Variants in KIAA1217 observed in about 807,000 individuals in gnomAD.
KIAA1217 encodes sickle tail protein homolog.
In KIAA1217, 88 loss-of-function variants were observed where a neutral mutation model predicts 163.9. The ratio of observed to expected loss-of-function variants is 0.54; its 90% confidence interval spans 0.45 to 0.64. The LOEUF (loss-of-function observed/expected upper bound fraction) is 0.64. Among genes scored for constraint, KIAA1217 ranks in the 30% least tolerant of loss-of-function variants. The probability of loss-of-function intolerance (pLI) is 0.00; values close to 1 mark genes in which losing one functional copy is unlikely to be tolerated. For missense variants in KIAA1217, 2,372 were observed against 2,475.0 expected, an observed-to-expected ratio of 0.96 and a Z score of 0.88; for synonymous variants, 903 against 923.1, an observed-to-expected ratio of 0.98 and a Z score of 0.39.
chr10:24,226,807 A>G (rs952744477), intron 2 of KIAA1217, among the ~76,000 whole-genome samples: 6 of 152,150 alleles, frequency 3.9e-5, no homozygotes, highest in African/African-American at 1.4e-4. Context: ...TAGTCCAGCA[A>G]TCCCTCACAG....
chr10:24,257,799 G>A (rs1317291016), intron 2 of KIAA1217, among the ~76,000 whole-genome samples: 1 of 152,030 alleles, frequency 6.6e-6, no homozygotes, highest in Non-Finnish European at 1.5e-5. Context: ...AAGTGCAGAG[G>A]GACAGTGACA....
Position 23,861,102 on chromosome 10 carries a change from G to A in KIAA1217, c.-320-146123G>A, listed in dbSNP as rs563201917. Reference sequence around the variant, plus strand: ...TAATTTTTGTATTTTTTGTAGAGACGGAGTTTCACCATGTTGTCCAGGCTG... The same window carrying A: ...TAATTTTTGTATTTTTTGTAGAGACAGAGTTTCACCATGTTGTCCAGGCTG... On this transcript the variant is annotated intron_variant, in intron 1 of 18. Transcript: ENST00000376462. Among the ~76,000 whole-genome samples the A allele has an allele frequency of 7.9e-5, 12 of 151,722 alleles. No individual in the cohort carries two copies. In the South Asian group the frequency reaches 2.1e-3, roughly 26 times the overall value.
At chr10:24,422,279 A>G (rs2058795765) in intron 3 of KIAA1217, among the ~76,000 whole-genome samples, 2 of 152,234 alleles carry the variant, frequency 1.3e-5, no homozygotes. Context: ...TAGCCAAACC[A>G]TATCATTCTC....
Position 24,187,237 on chromosome 10 carries a change from G to A in KIAA1217, c.-170-32389G>A, listed in dbSNP as rs564566422. ...TCGCTTGTCACAGCATCCTGGGTCCGCTGCCTCCCTTTCTCTCATTCTTTT... is the reference window on the plus strand; with the variant it reads ...TCGCTTGTCACAGCATCCTGGGTCCACTGCCTCCCTTTCTCTCATTCTTTT... On this transcript the variant is annotated intron_variant, in intron 2 of 18. Transcript: ENST00000376462. 1.3e-4 allele frequency among the ~76,000 whole-genome samples: 20 copies of A among 152,212 alleles called. No homozygotes were observed. The South Asian group carries it at 2.7e-3, about 21-fold the overall frequency.
At chr10:24,191,815 G>T (rs537876047) in intron 2 of KIAA1217, among the ~76,000 whole-genome samples, 1 of 152,116 alleles carries the variant, frequency 6.6e-6, no homozygotes, top group Non-Finnish European at 1.5e-5. Flanking sequence ...GTGCAATGGC[G>T]CAACCTCAAC....
At chr10:24,019,420 A>G (rs1250502502) in intron 2 of KIAA1217, among the ~76,000 whole-genome samples, 1 of 152,052 alleles carries the variant, frequency 6.6e-6, no homozygotes, top group Non-Finnish European at 1.5e-5. Flanking sequence ...AAAATAAAAT[A>G]AAAATAATTT....
chr10:24,438,584 G>T, intron 5 of KIAA1217, 105 bp downstream of exon 5: 1 of 747,810 alleles, frequency 1.3e-6, no homozygotes, highest in Non-Finnish European at 2.4e-6. Context: ...AGTTTTGGAG[G>T]GTTCTCCGCA....
intron 1 of KIAA1217, among the ~76,000 whole-genome samples, chr10:23,870,147 G>A (rs1049299715): frequency 5.3e-5 from 8 of 152,212 alleles, no homozygotes; most frequent in East Asian, 3.9e-4. Context: ...ATCCAGCTGG[G>A]CTGGATTGTC....
intron 1 of KIAA1217, among the ~76,000 whole-genome samples, chr10:23,987,830 T>C (rs933079994): frequency 6.6e-6 from 1 of 152,354 alleles, no homozygotes; most frequent in East Asian, 1.9e-4. Context: ...AATTAATTAG[T>C]AAATAAACAC....
chr10:24,084,210 G>A (rs1446357040), intron 2 of KIAA1217, among the ~76,000 whole-genome samples: 2 of 152,152 alleles, frequency 1.3e-5, no homozygotes, highest in Non-Finnish European at 2.9e-5. Flanking sequence ...GCTATATTTT[G>A]ACATAGTAGA....
At chr10:24,063,688 G>T (rs1168730783) in intron 2 of KIAA1217, among the ~76,000 whole-genome samples, 2 of 152,124 alleles carry the variant, frequency 1.3e-5, no homozygotes, top group African/African-American at 4.8e-5. Flanking sequence ...AAAGTCATTG[G>T]TAGCTTGATG....
At chr10:24,182,350 C>T (rs569724461) in intron 2 of KIAA1217, among the ~76,000 whole-genome samples, 4 of 151,810 alleles carry the variant, frequency 2.6e-5, no homozygotes, top group South Asian at 2.1e-4. Context: ...GCAGGAGTAT[C>T]GCTTGAACCC....
intron 5 of KIAA1217, among the ~76,000 whole-genome samples, chr10:24,442,896 A>T (rs183072680): frequency 2.5e-4 from 38 of 150,288 alleles, no homozygotes; most frequent in Admixed American, 3.3e-4. Flanking sequence ...AGCATTTATT[A>T]AGCACTTTTG....
At chr10:23,787,177 C>T (rs937073976) in intron 1 of KIAA1217, among the ~76,000 whole-genome samples, 3 of 152,036 alleles carry the variant, frequency 2.0e-5, no homozygotes, top group Non-Finnish European at 2.9e-5. Context: ...GCTCATATTT[C>T]CAAATGTTCA....
At chr10:23,862,827 A>G (rs1840017363) in intron 1 of KIAA1217, among the ~76,000 whole-genome samples, 1 of 152,010 alleles carries the variant, frequency 6.6e-6, no homozygotes, top group African/African-American at 2.4e-5. Flanking sequence ...AAGATATTCT[A>G]ACTGCTTTTC....
At chr10:24,256,576 A>G (rs574376162) in intron 2 of KIAA1217, among the ~76,000 whole-genome samples, 1 of 152,178 alleles carries the variant, frequency 6.6e-6, no homozygotes, top group Non-Finnish European at 1.5e-5. Flanking sequence ...TTGAAGTAGA[A>G]ATAGAATTAA....
chr10:24,289,000 T>A (rs1404526795), intron 2 of KIAA1217, among the ~76,000 whole-genome samples: 1 of 152,228 alleles, frequency 6.6e-6, no homozygotes, highest in Non-Finnish European at 1.5e-5. Context: ...CATATATTAA[T>A]CTCCTACTGT....
rs373079840 is a variant in KIAA1217 at position 24,152,674 on chromosome 10, T to A, written c.-170-66952T>A. Among the ~76,000 whole-genome samples the A allele has an allele frequency of 4.8e-4, 73 of 151,962 alleles. 1 individual carries two copies. The highest frequency in any genetic ancestry group is 1.7e-3 in the African/African-American group (72 of 41,470). ...GGCAGAACATATTACATCTTTTCTA[T>A]CCATTGTCTAACACGTAAATAAACT... On this transcript the variant is annotated intron_variant, in intron 2 of 18. Coordinates refer to the KIAA1217 transcript ENST00000376462.
At chr10:24,351,292 C>T (rs1258012719) in intron 2 of KIAA1217, among the ~76,000 whole-genome samples, 1 of 152,152 alleles carries the variant, frequency 6.6e-6, no homozygotes, top group East Asian at 1.9e-4. Flanking sequence ...TCTAACTTTT[C>T]CAAAATTTCT....
Sources: allele counts gnomAD v4.1 joint callset (sites outside exome capture counted in the v4.1 genomes callset), GRCh38; gene constraint gnomAD v4.1.1; transcripts MANE v1.5; gene names NCBI Gene and HGNC (gene_info 2026-07-23, HGNC 2026-07-21).